Variants in BRCA2 observed in about 807,000 individuals in gnomAD.
The protein encoded by BRCA2 is BRCA2 DNA repair associated.
A neutral mutation model predicts 276.7 loss-of-function variants in BRCA2; 203 were observed. The ratio of observed to expected loss-of-function variants is 0.73; its 90% confidence interval spans 0.65 to 0.82. The LOEUF is 0.82. BRCA2 is among the 40% of genes least tolerant of loss of function. The pLI is 0.00. For missense variants in BRCA2, 3,920 were observed against 3,915.0 expected, an observed-to-expected ratio of 1.00 and a Z score of -0.03; for synonymous variants, 1,289 against 1,338.4, an observed-to-expected ratio of 0.96 and a Z score of 0.81.
Position 32,337,194 on chromosome 13 carries a change from T to C in BRCA2, c.2839T>C (p.Leu947=), listed in dbSNP as rs2137490483. 6.2e-7 allele frequency: 1 copy of C among 1,613,656 alleles called. No homozygotes were observed. The highest frequency in any genetic ancestry group is 8.5e-7 in the Non-Finnish European group (1 of 1,179,862). The change falls in exon 11 of 27, where the codon TTG becomes CTG. Residue 947 remains leucine, a synonymous_variant. Transcript: ENST00000380152. Reference sequence around the variant, plus strand: ...AACCCAAGTGTCAATTAAAAAAGATTTGGTTTATGTTCTTGCAGAGGAGAA... The same window carrying C: ...AACCCAAGTGTCAATTAAAAAAGATCTGGTTTATGTTCTTGCAGAGGAGAA... ...QATQVSIKKD[L]VYVLAEENKN...
At chr13:32,376,521 CAAA>C (rs200156944) in intron 20 of BRCA2, 146 bp from the exon 21 acceptor site, 688 of 711,030 alleles carry the variant, frequency 9.7e-4, no homozygotes, top group Middle Eastern at 1.3e-3. Flanking sequence ...GACCCTGTCT[CAAA>C]AAAAAAAAAA....
At chr13:32,359,677 T>C (rs1028624797) in intron 16 of BRCA2, among the ~76,000 whole-genome samples, 6 of 152,260 alleles carry the variant, frequency 3.9e-5, no homozygotes, top group African/African-American at 1.2e-4. Flanking sequence ...GCGTATCTTA[T>C]ATAACAAACA....
intron 26 of BRCA2, 94 bp downstream of exon 26, chr13:32,397,138 A>G: frequency 7.4e-7 from 1 of 1,344,142 alleles, no homozygotes; most frequent in South Asian, 1.3e-5. Context: ...GTAAAATGTA[A>G]TTAAACTTAA....
intron 25 of BRCA2, among the ~76,000 whole-genome samples, chr13:32,396,591 A>G (rs185843828): frequency 2.6e-5 from 4 of 152,320 alleles, no homozygotes; most frequent in East Asian, 1.9e-4. Context: ...TTGAGCCCCA[A>G]TCTTCCAGCT....
intron 3 of BRCA2, among the ~76,000 whole-genome samples, chr13:32,321,417 A>C (rs1463447356): frequency 6.6e-6 from 1 of 152,222 alleles, no homozygotes; most frequent in East Asian, 1.9e-4. Flanking sequence ...AGTGCATGAA[A>C]AGTGAGCAGC....
intron 8 of BRCA2, 125 bp from the exon 9 acceptor site, chr13:32,330,794 T>A (rs2072383313): frequency 1.6e-6 from 1 of 638,066 alleles, no homozygotes; most frequent in Non-Finnish European, 2.8e-6. Flanking sequence ...ATTAAAAATT[T>A]TTGGACCTAG....
rs1555284846 is a variant in BRCA2, at chr13:32,341,112, C to G, written c.6757C>G (p.Leu2253Val). 1.2e-6 allele frequency: 2 copies of G among 1,613,918 alleles called. No individual in the cohort carries two copies. Among genetic ancestry groups the G allele is most frequent in the South Asian group, 1.1e-5 (1 of 91,068 alleles). ...ACTGCCAAGTCATGCCACACATTCT[C>G]TTTTTACATGTCCCGAAAATGAGGA... is the stretch of plus-strand genomic sequence containing the variant. ...SKLPSHATHS[L>V]FTCPENEEMV... is the part of the protein sequence containing the mutation. The change falls in exon 11 of 27, where the codon CTT (leucine) becomes GTT (valine). Residue 2253 changes from leucine (L) to valine (V), a missense_variant. Around this residue, in one of 2 missense-constraint regions of BRCA2, gnomAD observed 3,263 missense variants for 3,156.9 expected, o/e 1.03. Transcript: ENST00000380152.
chr13:32,337,695 C>T lies in BRCA2; in HGVS notation c.3340C>T (p.Leu1114Phe), dbSNP rs1468014859. The change falls in exon 11 of 27, where the codon CTT becomes TTT. Residue 1114 changes from leucine to phenylalanine, a missense_variant. Coordinates refer to ENST00000380152, the MANE Select transcript of BRCA2 (RefSeq NM_000059.4). ...TAGCCAAAAGGCAGAAATTACAGAA[C>T]TTTCTACTATATTAGAAGAATCAGG... ...TPSQKAEITE[L>F]STILEESGSQ... 19 of 1,604,622 alleles carry T rather than the reference C, an allele frequency of 1.2e-5. No homozygotes were observed. Among genetic ancestry groups the T allele is most frequent in the Non-Finnish European group, 1.6e-5 (19 of 1,176,632 alleles).
chr13:32,317,263 A>G (rs2072270328), intron 2 of BRCA2, among the ~76,000 whole-genome samples: 1 of 152,198 alleles, frequency 6.6e-6, no homozygotes, highest in Admixed American at 6.5e-5. Flanking sequence ...AATGAAAGCT[A>G]ACCCATTGCA....
intron 18 of BRCA2, among the ~76,000 whole-genome samples, chr13:32,366,871 A>C (rs1311727498): frequency 1.4e-5 from 2 of 147,732 alleles, no homozygotes; most frequent in African/African-American, 5.0e-5. Flanking sequence ...AAAAGAACAA[A>C]AAAAAAAAAA....
rs761934778 is a variant in BRCA2, at chr13:32,337,210, C to T, written c.2855C>T (p.Ala952Val). 6 of 1,613,010 alleles carry T rather than the reference C, an allele frequency of 3.7e-6. No homozygotes were observed. Among genetic ancestry groups the T allele is most frequent in the Non-Finnish European group, 5.1e-6 (6 of 1,179,670 alleles). ...SIKKDLVYVL[A>V]EENKNSVKQH... Reference sequence around the variant, plus strand: ...AAAAAAGATTTGGTTTATGTTCTTGCAGAGGAGAACAAAAATAGTGTAAAG... The same window carrying T: ...AAAAAAGATTTGGTTTATGTTCTTGTAGAGGAGAACAAAAATAGTGTAAAG... Residue 952 changes from alanine (A) to valine (V), a missense_variant, in exon 11 of 27, where the codon GCA becomes GTA. Coordinates refer to ENST00000380152, the MANE Select transcript of BRCA2 (RefSeq NM_000059.4).
At chr13:32,374,155 G>A (rs1593933151) in intron 20 of BRCA2, among the ~76,000 whole-genome samples, 1 of 152,364 alleles carries the variant, frequency 6.6e-6, no homozygotes, top group South Asian at 2.1e-4. Context: ...AGAGCAGTGG[G>A]GCCTTGGGCC....
intron 18 of BRCA2, among the ~76,000 whole-genome samples, chr13:32,365,350 A>C (rs2072773921): frequency 6.6e-6 from 1 of 151,360 alleles, no homozygotes; most frequent in African/African-American, 2.4e-5. Flanking sequence ...TCTGGTTTTA[A>C]GAAGTTAAGA....
At chr13:32,397,736 CTG>C (rs1400165963) in intron 26 of BRCA2, among the ~76,000 whole-genome samples, 4 of 152,056 alleles carry the variant, frequency 2.6e-5, no homozygotes, top group African/African-American at 9.7e-5. Context: ...GATGAGGAGA[CTG>C]TGGCATAGAG....
chr13:32,340,296 G>GC lies in BRCA2; in HGVS notation c.5942dup (p.Ser1982LysfsTer21). 6.2e-7 allele frequency: 1 copy of GC among 1,613,938 alleles called. No individual in the cohort carries two copies. Among genetic ancestry groups the GC allele is most frequent in the Non-Finnish European group, 8.5e-7 (1 of 1,179,878 alleles). On this transcript the variant is annotated frameshift_variant, in exon 11 of 27. Coordinates refer to ENST00000380152, the MANE Select transcript of BRCA2 (RefSeq NM_000059.4). LOFTEE classifies it high-confidence loss of function. ...AAATACTTGTGGGATTTTTAGCACA[G>GC]CAAGTGGAAAATCTGTCCAGGTATC...
At chr13:32,373,403 G>T (rs1399116492) in intron 20 of BRCA2, among the ~76,000 whole-genome samples, 1 of 151,920 alleles carries the variant, frequency 6.6e-6, no homozygotes, top group Admixed American at 6.6e-5. Flanking sequence ...CTATTCCAGA[G>T]GCTGAGGCAG....
intron 12 of BRCA2, among the ~76,000 whole-genome samples, 179 bp downstream of exon 12, chr13:32,344,832 T>G (rs1015153732): frequency 6.6e-6 from 1 of 152,142 alleles, no homozygotes; most frequent in African/African-American, 2.4e-5. Context: ...GAGCATTTGT[T>G]TATGTGGAAT....
chr13:32,337,171 C>T lies in BRCA2; in HGVS notation c.2816C>T (p.Thr939Ile), dbSNP rs1555282879. The T allele has an allele frequency of 6.2e-7, 1 of 1,613,632 alleles. No individual in the cohort carries two copies. The highest frequency in any genetic ancestry group is 8.5e-7 in the Non-Finnish European group (1 of 1,179,806). ...GGAGACACAGGTGATAAACAAGCAA[C>T]CCAAGTGTCAATTAAAAAAGATTTG... ...LYGDTGDKQA[T>I]QVSIKKDLVY... Residue 939 changes from threonine to isoleucine, a missense_variant, in exon 11 of 27, where the codon ACC becomes ATC. Transcript: ENST00000380152.
chr13:32,351,901 A>G (rs1294190390), intron 13 of BRCA2, among the ~76,000 whole-genome samples: 4 of 152,116 alleles, frequency 2.6e-5, no homozygotes, highest in African/African-American at 7.2e-5. Context: ...TCCTAGGTTC[A>G]AGCGACTCTC....
Sources: allele counts gnomAD v4.1 joint callset (sites outside exome capture counted in the v4.1 genomes callset), GRCh38; gene constraint gnomAD v4.1.1; regional missense constraint gnomAD v4.1.1; transcripts MANE v1.5; gene names NCBI Gene and HGNC (gene_info 2026-07-23, HGNC 2026-07-21).